Variants in ZNF804B observed in about 807,000 individuals in gnomAD.
ZNF804B encodes zinc finger 804B.
ZNF804B carries 80 observed loss-of-function variants against 101.4 expected under a neutral mutation model. The ratio of observed to expected loss-of-function variants is 0.79; its 90% CI spans 0.66 to 0.95. ZNF804B has a LOEUF of 0.95. Ranked by LOEUF, ZNF804B falls within the 40% of genes least tolerant of loss-of-function variation. The pLI, the probability that ZNF804B is intolerant of heterozygous loss-of-function variation, is 0.00. For missense variants in ZNF804B, 1,673 were observed against 1,561.9 expected, an observed-to-expected ratio of 1.07 and a Z score of -1.20; for synonymous variants, 622 against 558.8, an observed-to-expected ratio of 1.11 and a Z score of -1.59.
At chr7:88,992,605 G>A (rs13438218) in intron 1 of ZNF804B, among the ~76,000 whole-genome samples, 20,592 of 151,966 alleles carry the variant, frequency 0.14, 1,784 homozygotes, top group East Asian at 0.27. Flanking sequence ...TTAAATGGCT[G>A]GTGTGATTAG....
In ZNF804B at chr7:88,868,390, A is replaced by ACC. The variant is rs1258973482; in HGVS notation, c.108+108306_108+108307insCC. Among the ~76,000 whole-genome samples, 24 of 152,320 alleles carry ACC rather than the reference A, an allele frequency of 1.6e-4. No homozygotes were observed. In the South Asian group the frequency reaches 2.5e-3, roughly 16 times the overall value. On this transcript the variant is annotated intron_variant, in intron 1 of 3. Transcript: ENST00000333190. Reference sequence around the variant, plus strand: ...CAGAATAAAGGTATTTGAGTATAATATGTAATCTATTATTTTCTCATTACT... The same window carrying ACC: ...CAGAATAAAGGTATTTGAGTATAATACCTGTAATCTATTATTTTCTCATTACT...
At chr7:89,292,919 C>T (rs1367426884) in intron 2 of ZNF804B, among the ~76,000 whole-genome samples, 1 of 151,760 alleles carries the variant, frequency 6.6e-6, no homozygotes, top group African/African-American at 2.4e-5. Flanking sequence ...ATCTAGGACC[C>T]CACACTTAAA....
chr7:88,972,706 G>A lies in ZNF804B; in HGVS notation c.108+212622G>A, dbSNP rs527857079. Among the ~76,000 whole-genome samples the A allele has an allele frequency of 1.3e-4, 20 of 151,030 alleles. No individual in the cohort carries two copies. The East Asian group carries it at 3.5e-3, about 27-fold the overall frequency. On this transcript the variant is annotated intron_variant, in intron 1 of 3. Coordinates refer to ENST00000333190, the MANE Select transcript of ZNF804B (RefSeq NM_181646.5). The stretch of plus-strand genomic sequence containing the variant: ...CTGTCCTTTAAAAAAATATAGTTAG[G>A]AGTGATAATCTCTACACTATTTGAA...
chr7:89,075,516 C>T (rs1467861219), intron 1 of ZNF804B, among the ~76,000 whole-genome samples: 1 of 152,164 alleles, frequency 6.6e-6, no homozygotes, highest in Non-Finnish European at 1.5e-5. Context: ...TCAGGAACCT[C>T]CACCTGGATT....
chr7:89,284,145 G>A (rs1316587193), intron 2 of ZNF804B, among the ~76,000 whole-genome samples: 1 of 152,144 alleles, frequency 6.6e-6, no homozygotes, highest in Non-Finnish European at 1.5e-5. Flanking sequence ...CTGAATAAAA[G>A]TGACCGTAGT....
chr7:88,863,766 C>T (rs955795996), intron 1 of ZNF804B, among the ~76,000 whole-genome samples: 5 of 152,064 alleles, frequency 3.3e-5, no homozygotes, highest in Non-Finnish European at 5.9e-5. Context: ...GGCCAGGTGG[C>T]AGAACTTTCA....
At position 89,328,767 on chromosome 7, in the gene ZNF804B, G is replaced by A. The variant is rs530347967; in HGVS notation, c.380+1293G>A. Among the ~76,000 whole-genome samples the A allele has an allele frequency of 5.3e-5, 8 of 151,982 alleles. No homozygotes were observed. The East Asian group carries it at 9.6e-4, about 18-fold the overall frequency. On this transcript the variant is annotated intron_variant, in intron 3 of 3. Coordinates refer to ENST00000333190, the MANE Select transcript of ZNF804B (RefSeq NM_181646.5). Reference sequence around the variant, plus strand: ...GGTACAAGTTCTAACATAGATATACGTCTTTAGACAGGTCCCTTAAGGGCA... The same window carrying A: ...GGTACAAGTTCTAACATAGATATACATCTTTAGACAGGTCCCTTAAGGGCA...
At chr7:88,817,963 C>T (rs958365830) in intron 1 of ZNF804B, among the ~76,000 whole-genome samples, 1 of 152,018 alleles carries the variant, frequency 6.6e-6, no homozygotes, top group Non-Finnish European at 1.5e-5. Context: ...CCCAGCATTC[C>T]TTTTTTACTG....
chr7:89,283,339 A>G (rs536003316), intron 2 of ZNF804B, among the ~76,000 whole-genome samples: 1 of 152,244 alleles, frequency 6.6e-6, no homozygotes, highest in African/African-American at 2.4e-5. Flanking sequence ...GTTAAGCATC[A>G]GGTGGTTCCA....
chr7:89,278,933 A>G (rs1790033652), intron 2 of ZNF804B, among the ~76,000 whole-genome samples: 1 of 151,984 alleles, frequency 6.6e-6, no homozygotes. Flanking sequence ...TCTGTAAATT[A>G]CCTTGGGCAG....
chr7:89,310,093 A>G (rs1790628788), intron 2 of ZNF804B, among the ~76,000 whole-genome samples: 1 of 152,066 alleles, frequency 6.6e-6, no homozygotes, highest in South Asian at 2.1e-4. Context: ...GGCAAAAAAA[A>G]AAAAAAAGAG....
At chr7:88,979,901 TTTC>T in intron 1 of ZNF804B, among the ~76,000 whole-genome samples, 1 of 151,640 alleles carries the variant, frequency 6.6e-6, no homozygotes, top group Non-Finnish European at 1.5e-5. Context: ...GCTTCATTCT[TTTC>T]TTTTTTTTTT....
chr7:89,218,094 C>G (rs953030623), intron 1 of ZNF804B, 61 bp from the exon 2 acceptor site: 4 of 1,505,708 alleles, frequency 2.7e-6, no homozygotes, highest in Non-Finnish European at 3.6e-6. Context: ...TTGATTAATA[C>G]GAGATCTGGT....
chr7:89,051,748 C>G (rs185298957), intron 1 of ZNF804B, among the ~76,000 whole-genome samples: 1 of 152,092 alleles, frequency 6.6e-6, no homozygotes, highest in Non-Finnish European at 1.5e-5. Context: ...AATATATTAA[C>G]AATTTGCAGT....
intron 2 of ZNF804B, among the ~76,000 whole-genome samples, chr7:89,322,999 GAAGT>G (rs1302977997): frequency 6.6e-6 from 1 of 152,166 alleles, no homozygotes; most frequent in African/African-American, 2.4e-5. Context: ...ATAGTATTAT[GAAGT>G]AAGTAGACTC....
intron 1 of ZNF804B, among the ~76,000 whole-genome samples, chr7:88,809,774 A>G (rs545042685): frequency 5.3e-5 from 8 of 152,184 alleles, no homozygotes; most frequent in Non-Finnish European, 1.2e-4. Flanking sequence ...GTCAACACAC[A>G]TAGTTAGTTA....
intron 1 of ZNF804B, among the ~76,000 whole-genome samples, chr7:88,852,652 T>A (rs1526255): frequency 0.036 from 5,547 of 152,236 alleles, 132 homozygotes; most frequent in Middle Eastern, 0.048. Context: ...GAGTGTTTAC[T>A]CTGTTCCATT....
At chr7:89,189,887 C>T (rs963528637) in intron 1 of ZNF804B, among the ~76,000 whole-genome samples, 1 of 152,074 alleles carries the variant, frequency 6.6e-6, no homozygotes, top group Non-Finnish European at 1.5e-5. Context: ...TAATGAAATA[C>T]ATTTCATAAA....
At chr7:89,087,807 G>A (rs1045575789) in intron 1 of ZNF804B, among the ~76,000 whole-genome samples, 10 of 151,496 alleles carry the variant, frequency 6.6e-5, no homozygotes, top group South Asian at 4.2e-4. Context: ...CTTTCCTACC[G>A]TAAGAAATAT....
Sources: gnomAD v4.1 joint callset for allele counts (sites outside exome capture counted in the v4.1 genomes callset) on GRCh38, gnomAD v4.1.1 for gene constraint, MANE v1.5 for transcripts, NCBI Gene and HGNC (gene_info 2026-07-23, HGNC 2026-07-21) for gene names.